The following CHDH variants were observed in gnomAD, a reference collection of about 807,000 sequenced individuals.
CHDH encodes choline dehydrogenase, mitochondrial.
In CHDH, 43 loss-of-function variants were observed where a neutral mutation model predicts 56.9. The observed-to-expected ratio is 0.76, with a 90% CI of 0.59 to 0.97. The LOEUF (loss-of-function observed/expected upper bound fraction) is 0.97. CHDH is among the 50% of genes least tolerant of loss of function. The pLI, the probability that CHDH is intolerant of heterozygous loss-of-function variation, is 0.00. For missense variants in CHDH, 816 were observed against 821.1 expected (o/e 0.99, Z 0.08); for synonymous variants, 364 against 348.5 (o/e 1.04, Z -0.50).
chr3:53,845,291 G>A (rs1050409821), intron 1 of CHDH, among the ~76,000 whole-genome samples: 17 of 152,202 alleles, frequency 1.1e-4, no homozygotes, highest in Non-Finnish European at 2.4e-4. Context: ...CAAGCTGGCA[G>A]GTGGGCCAGG....
intron 2 of CHDH, among the ~76,000 whole-genome samples, chr3:53,827,664 A>T (rs1179307569): frequency 6.6e-6 from 1 of 152,202 alleles, no homozygotes; most frequent in Non-Finnish European, 1.5e-5. Flanking sequence ...TCACAAAGAA[A>T]TACTTAGGTA....
intron 2 of CHDH, among the ~76,000 whole-genome samples, chr3:53,833,640 G>A (rs1311786791): frequency 1.3e-5 from 2 of 152,160 alleles, no homozygotes; most frequent in Non-Finnish European, 2.9e-5. Context: ...CCCTGCCATG[G>A]GTGGGGTCTG....
At chr3:53,821,479 ACAGTGTCCAGTGAGGC>A (rs1299129340) in intron 5 of CHDH, among the ~76,000 whole-genome samples, 152 bp downstream of exon 5, 1 of 152,178 alleles carries the variant, frequency 6.6e-6, no homozygotes, top group East Asian at 1.9e-4. Flanking sequence ...CCCAGGGATG[ACAGTGTCCAGTGAGGC>A]CTGGGAAACC....
At position 53,819,412 on chromosome 3, in the gene CHDH, G is replaced by T; in HGVS notation, c.1263+120C>A. 7.6e-7 allele frequency: 1 copy of T among 1,323,770 alleles called. No individual in the cohort carries two copies. Among genetic ancestry groups the T allele is most frequent in the Non-Finnish European group, 1.0e-6 (1 of 961,184 alleles). 82.0% of individuals were successfully genotyped at this position (1,323,770 alleles called of 1,614,324 possible). ...GCTGGAAGGCAGGGGACAGGCCTCT[G>T]TGTCCCCCACTCTGCAGCCATATGG... On this transcript the variant is annotated intron_variant, in intron 7 of 8. Coordinates refer to ENST00000315251, the MANE Select transcript of CHDH (RefSeq NM_018397.5). This position sits in a 1 kb window ranked among gnomAD's most constrained non-coding sequence, Gnocchi z 5.4.
At chr3:53,836,680 C>T (rs886113142) in intron 2 of CHDH, among the ~76,000 whole-genome samples, 1 of 152,250 alleles carries the variant, frequency 6.6e-6, no homozygotes, top group African/African-American at 2.4e-5. Context: ...GGCGCTGCGT[C>T]ATGCTGGCCA....
intron 2 of CHDH, among the ~76,000 whole-genome samples, chr3:53,840,389 A>G (rs1441027960): frequency 6.6e-6 from 1 of 152,010 alleles, no homozygotes; most frequent in Non-Finnish European, 1.5e-5. Flanking sequence ...TTAGCTGGAC[A>G]TGGTAGCAGA....
chr3:53,842,075 G>A (rs902093819), intron 1 of CHDH, among the ~76,000 whole-genome samples: 5 of 151,646 alleles, frequency 3.3e-5, no homozygotes, highest in Admixed American at 2.0e-4. Flanking sequence ...CCCAGTGAGC[G>A]GATTGCACCA....
At chr3:53,829,041 C>T (rs1365349035) in intron 2 of CHDH, among the ~76,000 whole-genome samples, 1 of 152,132 alleles carries the variant, frequency 6.6e-6, no homozygotes, top group Non-Finnish European at 1.5e-5. Context: ...GTGGTACATC[C>T]TGACAATGGA....
Position 53,817,974 on chromosome 3 carries a change from G to A in CHDH, c.1588C>T (p.Pro530Ser), listed in dbSNP as rs748561278. 3.7e-6 allele frequency: 6 copies of A among 1,614,214 alleles called. No homozygotes were observed. In the Admixed American group the frequency reaches 1.0e-4, roughly 27 times the overall value. Reference sequence around the variant, plus strand: ...TCCACCCCGAGGACCCTTGTCTGCGGATCCACCACGGCAGTGGGATCGGAG... The same window carrying A: ...TCCACCCCGAGGACCCTTGTCTGCGAATCCACCACGGCAGTGGGATCGGAG... ...QPSDPTAVVDPQTRVLGVENL... is the reference protein window; with the variant it reads ...QPSDPTAVVDSQTRVLGVENL... The change falls in exon 9 of 9, where the codon CCG (proline) becomes TCG (serine). Residue 530 changes from proline to serine, a missense_variant. By Grantham distance (74) the Pro-to-Ser change is moderately conservative (BLOSUM62 -1). Coordinates refer to ENST00000315251, the MANE Select transcript of CHDH (RefSeq NM_018397.5).
intron 5 of CHDH, 73 bp from the exon 6 acceptor site, chr3:53,820,681 T>A (rs1001790515): frequency 6.5e-7 from 1 of 1,546,876 alleles, no homozygotes; most frequent in African/African-American, 1.4e-5. Context: ...CCCCCCGGTT[T>A]TGAAAAATTC....
rs367612055 is a variant in CHDH, at chr3:53,820,579, C to T, written c.1015G>A (p.Glu339Lys). 110 of 1,613,040 alleles carry T rather than the reference C, an allele frequency of 6.8e-5. No homozygotes were observed. The highest frequency in any genetic ancestry group is 8.8e-5 in the Non-Finnish European group (104 of 1,179,730). The change falls in exon 6 of 9, where the codon GAG becomes AAG. Residue 339 changes from glutamate (E) to lysine (K), a missense_variant. Coordinates refer to ENST00000315251, the MANE Select transcript of CHDH (RefSeq NM_018397.5). ...GTGCATGCCTGCTGAATGTAGATCT[C>T]CAGGTGGTCTTGCAGGTTCTGGCCA... ...GVGQNLQDHL[E>K]IYIQQACTRP...
chr3:53,839,062 C>T (rs1176105964), intron 2 of CHDH, among the ~76,000 whole-genome samples: 1 of 152,100 alleles, frequency 6.6e-6, no homozygotes, highest in East Asian at 1.9e-4. Flanking sequence ...TCAGAACAAG[C>T]GGGGAGCCCG....
chr3:53,819,510 C>G lies in CHDH; in HGVS notation c.1263+22G>C, dbSNP rs373914197. On this transcript the variant is annotated intron_variant, in intron 7 of 8. Transcript: ENST00000315251. This position sits in a 1 kb window ranked among gnomAD's most constrained non-coding sequence, Gnocchi z 5.4. ...GTGGGAAGGAGACATCCTGGGAAGC[C>G]GAGGCTCTTCCACCTGCTCACCTGG... is the stretch of plus-strand genomic sequence containing the variant. 5 of 1,586,162 alleles carry G rather than the reference C, an allele frequency of 3.2e-6. No individual in the cohort carries two copies. Among genetic ancestry groups the G allele is most frequent in the Middle Eastern group, 1.7e-4 (1 of 5,940 alleles).
chr3:53,838,056 CAAAAAAAAAAA>C (rs34971544), intron 2 of CHDH, among the ~76,000 whole-genome samples: 79 of 58,828 alleles, frequency 1.3e-3, no homozygotes, highest in African/African-American at 4.3e-3. Flanking sequence ...GACTCTGTCT[CAAAAAAAAAAA>C]AAAAAAAAAA....
At chr3:53,843,374 G>A (rs1340317760) in intron 1 of CHDH, among the ~76,000 whole-genome samples, 2 of 152,110 alleles carry the variant, frequency 1.3e-5, no homozygotes, top group Non-Finnish European at 2.9e-5. Flanking sequence ...AAAAGACTAA[G>A]AGCCTCACTC....
intron 3 of CHDH, 78 bp from the exon 4 acceptor site, chr3:53,822,720 G>A: frequency 6.6e-7 from 1 of 1,524,734 alleles, no homozygotes; most frequent in Non-Finnish European, 8.8e-7. Context: ...GCTGGAGAAA[G>A]AAAGAGTGGA....
chr3:53,842,767 G>A (rs1054875667), intron 1 of CHDH, among the ~76,000 whole-genome samples: 4 of 152,104 alleles, frequency 2.6e-5, no homozygotes, highest in African/African-American at 9.7e-5. Context: ...CCCTCAGTGT[G>A]GCTTCAGGGT....
chr3:53,829,743 G>A (rs1698276530), intron 2 of CHDH, among the ~76,000 whole-genome samples: 1 of 152,232 alleles, frequency 6.6e-6, no homozygotes, highest in Admixed American at 6.5e-5. Flanking sequence ...ATTCACGTGT[G>A]GGATTCTCAC....
Position 53,822,479 on chromosome 3 carries a change from C to T in CHDH, c.855+12G>A, listed in dbSNP as rs766156347. Reference sequence around the variant, plus strand: ...CCCCCTTCTTCCAGGACCCCAGCTGCAGTCCACTCACCCTGTGGCTCTGGC... The same window carrying T: ...CCCCCTTCTTCCAGGACCCCAGCTGTAGTCCACTCACCCTGTGGCTCTGGC... On this transcript the variant is annotated intron_variant, in intron 4 of 8. Transcript: ENST00000315251. The T allele has an allele frequency of 7.5e-6, 12 of 1,600,252 alleles. No homozygotes were observed. In the South Asian group the frequency reaches 1.1e-4, roughly 15 times the overall value.
Sources: allele counts gnomAD v4.1 joint callset (sites outside exome capture counted in the v4.1 genomes callset), GRCh38; gene constraint gnomAD v4.1.1; non-coding constraint Gnocchi (gnomAD v3.1); transcripts MANE v1.5; gene names NCBI Gene and HGNC (gene_info 2026-07-23, HGNC 2026-07-21).